The following RWDD1 variants were observed in gnomAD, a reference collection of about 807,000 sequenced individuals.
RWDD1 encodes the protein RWD domain containing 1.
In RWDD1, 17 loss-of-function variants were observed where a neutral mutation model predicts 31.6. The ratio of observed to expected loss-of-function variants is 0.54; its 90% CI spans 0.37 to 0.81. The LOEUF is 0.81. Ranked by LOEUF, RWDD1 falls within the 30% of genes least tolerant of loss-of-function variation. RWDD1 has a pLI of 0.00. For synonymous variants in RWDD1, 78 were observed against 94.2 expected (o/e 0.83, Z 0.99); for missense variants, 204 against 274.5 (o/e 0.74, Z 1.82).
intron 1 of RWDD1, among the ~76,000 whole-genome samples, chr6:116,573,496 ATTTAT>A (rs1774784391): frequency 6.6e-6 from 1 of 152,194 alleles, no homozygotes; most frequent in Non-Finnish European, 1.5e-5. Context: ...AGGTGTCTTT[ATTTAT>A]AGTTCTTAGG....
intron 2 of RWDD1, among the ~76,000 whole-genome samples, chr6:116,583,415 A>G (rs1031770441): frequency 3.9e-5 from 6 of 152,192 alleles, no homozygotes; most frequent in African/African-American, 9.7e-5. Context: ...CAGTTATACA[A>G]GATGAAATAA....
intron 1 of RWDD1, among the ~76,000 whole-genome samples, chr6:116,575,239 C>T (rs1774818219): frequency 6.6e-6 from 1 of 152,122 alleles, no homozygotes; most frequent in Non-Finnish European, 1.5e-5. Context: ...GGGTGTGCCA[C>T]CATGCCTGGC....
intron 1 of RWDD1, among the ~76,000 whole-genome samples, chr6:116,578,499 G>A (rs1774891203): frequency 1.3e-5 from 2 of 152,142 alleles, no homozygotes; most frequent in Admixed American, 6.5e-5. Context: ...ATAGCCTCAG[G>A]GAGTCATAGA....
At chr6:116,572,134 C>T (rs1169413731) in intron 1 of RWDD1, among the ~76,000 whole-genome samples, 2 of 148,290 alleles carry the variant, frequency 1.3e-5, no homozygotes, top group Admixed American at 6.9e-5. Flanking sequence ...TAGCATAGTC[C>T]CTGAAGTCTG....
chr6:116,571,688 C>G, intron 1 of RWDD1, 33 bp downstream of exon 1: 2 of 1,596,948 alleles, frequency 1.3e-6, no homozygotes, highest in Non-Finnish European at 1.7e-6. Context: ...TGTAGCCGCC[C>G]CGAGGTGGAG....
chr6:116,584,151 A>G (rs1053439424), intron 2 of RWDD1, among the ~76,000 whole-genome samples: 2 of 152,214 alleles, frequency 1.3e-5, no homozygotes, highest in Admixed American at 6.5e-5. Flanking sequence ...ACTTCCGTAC[A>G]AGTGTGAGAT....
rs115861289 is a variant in RWDD1 at position 116,594,063 on chromosome 6, G to A, written c.*962G>A. On this transcript the variant is annotated 3_prime_UTR_variant, in exon 7 of 7. Transcript: ENST00000466444. ...TCCACTCATGGTAGAAGGGGAAGAG[G>A]CACTATGTGTGTAGAGATCACATGG... is the stretch of plus-strand genomic sequence containing the variant. The A allele has an allele frequency of 0.011, 1,700 of 152,326 alleles. 33 individuals carry two copies. Among genetic ancestry groups the A allele is most frequent in the African/African-American group, 0.034 (1,395 of 41,504 alleles). The allele number at this position is 152,326 out of a possible 1,614,324, so 9.4% of individuals were successfully genotyped here.
At chr6:116,589,259 G>T (rs1287521662) in intron 4 of RWDD1, among the ~76,000 whole-genome samples, 1 of 152,094 alleles carries the variant, frequency 6.6e-6, no homozygotes. Flanking sequence ...AGAGCCAGGG[G>T]TGTCCAATTT....
Position 116,590,918 on chromosome 6 carries a change from T to C in RWDD1, c.578T>C (p.Leu193Pro). ...GKQLFETDHN[L>P]DTSDIQFLED... ...CAACTATTTGAAACAGATCATAATCTTGACACATCTGATATCCAGTTCTTG... is the reference window on the plus strand; with the variant it reads ...CAACTATTTGAAACAGATCATAATCCTGACACATCTGATATCCAGTTCTTG... The change falls in exon 6 of 7, where the codon CTT (leucine) becomes CCT (proline). Residue 193 changes from leucine to proline, a missense_variant. Coordinates refer to ENST00000466444, the MANE Select transcript of RWDD1 (RefSeq NM_015952.4). 6.4e-7 allele frequency: 1 copy of C among 1,573,730 alleles called. No individual in the cohort carries two copies. The highest frequency in any genetic ancestry group is 8.6e-7 in the Non-Finnish European group (1 of 1,167,158).
chr6:116,579,024 C>T (rs575219130), intron 1 of RWDD1, among the ~76,000 whole-genome samples: 5 of 152,068 alleles, frequency 3.3e-5, no homozygotes, highest in South Asian at 2.1e-4. Flanking sequence ...TACAGGCATG[C>T]GCCACCACGC....
chr6:116,592,102 A>T (rs191960304), intron 6 of RWDD1, among the ~76,000 whole-genome samples: 1 of 152,130 alleles, frequency 6.6e-6, no homozygotes, highest in African/African-American at 2.4e-5. Context: ...TAATCATACA[A>T]TTTCTCTCCT....
At chr6:116,587,787 T>C (rs1741632849) in intron 3 of RWDD1, among the ~76,000 whole-genome samples, 1 of 152,058 alleles carries the variant, frequency 6.6e-6, no homozygotes, top group Non-Finnish European at 1.5e-5. Context: ...TTTCTTGTAT[T>C]CCAAGCTGAA....
chr6:116,590,347 G>T lies in RWDD1; in HGVS notation c.490G>T (p.Glu164Ter). 1 of 1,600,712 alleles carries T rather than the reference G, an allele frequency of 6.2e-7. No individual in the cohort carries two copies. Among genetic ancestry groups the T allele is most frequent in the South Asian group, 1.1e-5 (1 of 88,114 alleles). Residue 164 changes from glutamate to a stop codon, truncating the protein, a stop_gained, in exon 5 of 7, where the codon GAA becomes TAA. Coordinates refer to ENST00000466444, the MANE Select transcript of RWDD1 (RefSeq NM_015952.4). LOFTEE classifies it high-confidence loss of function. ...AGCCAAGTTTGATGCAGAACTCTTG[G>T]AAATTAAAAAGAAAAGGATGAAAGA... ...WKAKFDAELL[E>*]IKKKRMKEEE...
At chr6:116,573,490 G>C (rs1029507366) in intron 1 of RWDD1, among the ~76,000 whole-genome samples, 5 of 152,132 alleles carry the variant, frequency 3.3e-5, no homozygotes, top group African/African-American at 1.2e-4. Flanking sequence ...AAAATGAGGT[G>C]TCTTTATTTA....
At position 116,593,972 on chromosome 6, in the gene RWDD1, C is replaced by G. The variant is rs997668385; in HGVS notation, c.*871C>G. ...AAAAAAAAAAAAGGTTTATTTGGCT[C>G]ATAATTCTGGATGACCAGAAAGTTG... On this transcript the variant is annotated 3_prime_UTR_variant, in exon 7 of 7. Coordinates refer to ENST00000466444, the MANE Select transcript of RWDD1 (RefSeq NM_015952.4). The G allele has an allele frequency of 3.3e-5, 5 of 152,228 alleles. No homozygotes were observed. Among genetic ancestry groups the G allele is most frequent in the African/African-American group, 1.2e-4 (5 of 41,332 alleles). 9.4% of individuals were successfully genotyped at this position (152,228 alleles called of 1,614,324 possible).
At chr6:116,572,396 CGCTTGCCT>C (rs936376394) in intron 1 of RWDD1, 2 of 152,222 alleles carry the variant, frequency 1.3e-5, no homozygotes, top group Non-Finnish European at 2.9e-5. Flanking sequence ...ACGTCCAGAA[CGCTTGCCT>C]GTTCTTTCAC....
intron 1 of RWDD1, among the ~76,000 whole-genome samples, chr6:116,573,879 C>T (rs1217858258): frequency 2.0e-5 from 3 of 151,618 alleles, no homozygotes; most frequent in Non-Finnish European, 2.9e-5. Context: ...GTTAAGTACA[C>T]GTGACCCCAT....
At chr6:116,577,037 T>G (rs1439253930) in intron 1 of RWDD1, among the ~76,000 whole-genome samples, 2 of 152,200 alleles carry the variant, frequency 1.3e-5, no homozygotes, top group African/African-American at 4.8e-5. Flanking sequence ...AGACTCAGAT[T>G]CTAATAGGTA....
rs1287386544 is a variant in RWDD1 at position 116,593,392 on chromosome 6, G to A, written c.*291G>A. On this transcript the variant is annotated 3_prime_UTR_variant, in exon 7 of 7. Transcript: ENST00000466444. ...AGGTAGGCTGCTGCTGTGCACATGA[G>A]TTTATACACAGGAAATTGGAATAAC... is the stretch of plus-strand genomic sequence containing the variant. 2 of 202,332 alleles carry A rather than the reference G, an allele frequency of 9.9e-6. No individual in the cohort carries two copies. Among genetic ancestry groups the A allele is most frequent in the Non-Finnish European group, 2.0e-5 (2 of 101,608 alleles). 12.5% of individuals were successfully genotyped at this position (202,332 alleles called of 1,614,324 possible).
Sources: allele counts gnomAD v4.1 joint callset (sites outside exome capture counted in the v4.1 genomes callset), GRCh38; gene constraint gnomAD v4.1.1; transcripts MANE v1.5; gene names NCBI Gene and HGNC (gene_info 2026-07-23, HGNC 2026-07-21).